Variants in NCR2 observed in about 807,000 individuals in gnomAD.
The protein encoded by NCR2 is NK cell activating receptor (NKp44).
A neutral mutation model predicts 30.7 loss-of-function variants in NCR2; 35 were observed. The observed-to-expected ratio is 1.14, with a 90% confidence interval of 0.87 to 1.51. The LOEUF (loss-of-function observed/expected upper bound fraction) is 1.51, where lower values mean the gene tolerates loss of function less well. Ranked by LOEUF, NCR2 falls within the 40% of genes most tolerant of loss-of-function variation. The probability of loss-of-function intolerance (pLI) is 0.00; values close to 1 mark genes in which losing one functional copy is unlikely to be tolerated. For missense variants in NCR2, 316 were observed against 328.9 expected, an observed-to-expected ratio of 0.96 and a Z score of 0.30; for synonymous variants, 146 against 134.8, an observed-to-expected ratio of 1.08 and a Z score of -0.58.
At position 41,342,149 on chromosome 6, in the gene NCR2, G is replaced by A. The variant is rs540750443; in HGVS notation, c.644G>A (p.Trp215Ter). Residue 215 changes from tryptophan to a stop codon, truncating the protein, a stop_gained and splice_region_variant, in exon 4 of 5, where the codon TGG becomes TAG. Transcript: ENST00000373089. LOFTEE classifies it high-confidence loss of function. The part of the protein sequence containing the change: ...SLVLSALLVW[W>*]GDIWWKTMME... Reference sequence around the variant, plus strand: ...GTGCTGTCAGCCCTGCTCGTCTGGTGGTGAGTGTGGTGTGGGTTGAACTCG... The same window carrying A: ...GTGCTGTCAGCCCTGCTCGTCTGGTAGTGAGTGTGGTGTGGGTTGAACTCG... 6.2e-7 allele frequency: 1 copy of A among 1,612,484 alleles called. No individual in the cohort carries two copies. Among genetic ancestry groups the A allele is most frequent in the Non-Finnish European group, 8.5e-7 (1 of 1,179,992 alleles).
chr6:41,336,452 C>T (rs1273758288), intron 2 of NCR2, 24 bp downstream of exon 2: 1 of 1,588,510 alleles, frequency 6.3e-7, no homozygotes, highest in Admixed American at 1.7e-5. Context: ...CTAGGGTCCT[C>T]AGAGGGGTGC....
rs574149385 is a variant in NCR2, at chr6:41,336,223, C to T, written c.189C>T (p.Cys63=). ...GTAAGGAGGCTTCAGCACTTGTGTG[C>T]ATCAGGTTAGTCACCAGCTCCAAGC... The part of the protein sequence containing the change: ...GWCKEASALV[C]IRLVTSSKPR... The change falls in exon 2 of 5, where the codon TGC becomes TGT. Residue 63 remains cysteine (C), a synonymous_variant. Coordinates refer to ENST00000373089, the MANE Select transcript of NCR2 (RefSeq NM_004828.4). The T allele has an allele frequency of 2.5e-6, 4 of 1,614,152 alleles. No individual in the cohort carries two copies. The highest frequency in any genetic ancestry group is 1.3e-5 in the African/African-American group (1 of 75,050).
chr6:41,335,959 G>A (rs745835060), intron 1 of NCR2, 31 bp downstream of exon 1: 23 of 1,575,884 alleles, frequency 1.5e-5, no homozygotes, highest in Admixed American at 9.3e-5. Flanking sequence ...AGGGAGCAGA[G>A]GAGATGGGTG....
chr6:41,336,188 A>T lies in NCR2; in HGVS notation c.154A>T (p.Lys52Ter). The change falls in exon 2 of 5, where the codon AAA becomes TAA. Residue 52 changes from lysine to a stop codon, truncating the protein, a stop_gained. Transcript: ENST00000373089. LOFTEE classifies it high-confidence loss of function. ...GCCCACGGGCAGTCTCTACGAGAAG[A>T]AAGGCTGGTGTAAGGAGGCTTCAGC... ...YPPTGSLYEK[K>*]GWCKEASALV... is the part of the protein sequence containing the mutation. 6.2e-7 allele frequency: 1 copy of T among 1,614,172 alleles called. No individual in the cohort carries two copies. The highest frequency in any genetic ancestry group is 8.5e-7 in the Non-Finnish European group (1 of 1,180,042).
chr6:41,341,291 A>C (rs1294174259), intron 2 of NCR2, among the ~76,000 whole-genome samples: 1 of 152,090 alleles, frequency 6.6e-6, no homozygotes, highest in Non-Finnish European at 1.5e-5. Context: ...AGAGTCCCAG[A>C]GTCAAGAGGG....
intron 4 of NCR2, chr6:41,342,919 G>T: frequency 6.4e-7 from 1 of 1,550,500 alleles, no homozygotes; most frequent in Non-Finnish European, 8.7e-7. Flanking sequence ...CATCTCAAGG[G>T]TTTTAAGGAA....
In NCR2 at chr6:41,342,173, C is replaced by CG. The variant is rs758326631; in HGVS notation, c.644+28dup. 6.2e-6 allele frequency: 10 copies of CG among 1,609,548 alleles called. No individual in the cohort carries two copies. The African/African-American group carries it at 9.4e-5, about 15-fold the overall frequency. ...TGGTGAGTGTGGTGTGGGTTGAACTCGGGGAAAATGGAACAGGGAACAGCT... is the reference window on the plus strand; with the variant it reads ...TGGTGAGTGTGGTGTGGGTTGAACTCGGGGGAAAATGGAACAGGGAACAGCT... On this transcript the variant is annotated intron_variant, in intron 4 of 4. Transcript: ENST00000373089.
rs984130354 is a variant in NCR2, at chr6:41,335,841, G to T, written c.-36G>T. On this transcript the variant is annotated 5_prime_UTR_variant, in exon 1 of 5. Transcript: ENST00000373089. Reference sequence around the variant, plus strand: ...ATTCCCTCTCCCCAGTCTTCTCCAGGTGTCCCCTCCCATGAGCGCACAGGA... The same window carrying T: ...ATTCCCTCTCCCCAGTCTTCTCCAGTTGTCCCCTCCCATGAGCGCACAGGA... 13 of 1,551,772 alleles carry T rather than the reference G, an allele frequency of 8.4e-6. No individual in the cohort carries two copies. The highest frequency in any genetic ancestry group is 2.7e-5 in the African/African-American group (2 of 73,344).
chr6:41,343,174 C>T (rs987441948), intron 4 of NCR2: 17 of 699,338 alleles, frequency 2.4e-5, no homozygotes, highest in African/African-American at 5.4e-5. Context: ...AGGCCCTCTA[C>T]TTGCTCACCC....
intron 2 of NCR2, among the ~76,000 whole-genome samples, chr6:41,338,701 A>G (rs548225370): frequency 1.3e-5 from 2 of 152,340 alleles, no homozygotes; most frequent in African/African-American, 4.8e-5. Flanking sequence ...ATTTTTTCAA[A>G]TTGCCATGAA....
chr6:41,345,245 C>G (rs974284605), intron 4 of NCR2, among the ~76,000 whole-genome samples: 1 of 152,150 alleles, frequency 6.6e-6, no homozygotes, highest in African/African-American at 2.4e-5. Context: ...TTCCAGCACC[C>G]ACTTCAACCC....
chr6:41,344,796 C>G (rs116677682), intron 4 of NCR2, among the ~76,000 whole-genome samples: 1 of 152,236 alleles, frequency 6.6e-6, no homozygotes, highest in Non-Finnish European at 1.5e-5. Context: ...ACCTTTGCCG[C>G]TTCTCGGCCA....
At chr6:41,345,725 C>G (rs562398135) in intron 4 of NCR2, among the ~76,000 whole-genome samples, 10 of 152,282 alleles carry the variant, frequency 6.6e-5, no homozygotes, top group Admixed American at 3.9e-4. Flanking sequence ...AATCCCAACT[C>G]AGTAAGACCT....
chr6:41,337,228 T>C (rs144764689), intron 2 of NCR2, among the ~76,000 whole-genome samples: 140 of 152,214 alleles, frequency 9.2e-4, no homozygotes, highest in Middle Eastern at 3.4e-3. Flanking sequence ...AAAAGATATA[T>C]AAAGTACAAG....
chr6:41,343,509 T>C (rs1016325804), intron 4 of NCR2, among the ~76,000 whole-genome samples: 3 of 152,136 alleles, frequency 2.0e-5, no homozygotes, highest in Admixed American at 2.0e-4. Flanking sequence ...AGAAACACTT[T>C]AGACAAAATA....
Position 41,336,418 on chromosome 6 carries a change from G to C in NCR2, c.384G>C (p.Val128=). ...SVSKSVRFYL[V]VSPASASTQT... ...CTAAGTCCGTCAGATTCTATCTGGT[G>C]GTATCTCCAGGTGAGCTCTTTCCCT... The change falls in exon 2 of 5, where the codon GTG becomes GTC. Residue 128 remains valine (V), a synonymous_variant. Transcript: ENST00000373089. 6.2e-7 allele frequency: 1 copy of C among 1,612,662 alleles called. No homozygotes were observed. Among genetic ancestry groups the C allele is most frequent in the Non-Finnish European group, 8.5e-7 (1 of 1,179,036 alleles).
intron 2 of NCR2, among the ~76,000 whole-genome samples, chr6:41,337,907 T>A (rs1304659294): frequency 6.6e-6 from 1 of 152,204 alleles, no homozygotes; most frequent in Non-Finnish European, 1.5e-5. Context: ...TATCTTCTTC[T>A]GACAAAAAAA....
intron 4 of NCR2, among the ~76,000 whole-genome samples, chr6:41,349,523 C>A (rs1423127927): frequency 6.6e-6 from 1 of 152,166 alleles, no homozygotes; most frequent in African/African-American, 2.4e-5. Flanking sequence ...ACCTCCCATA[C>A]CCCAGGGAGG....
At chr6:41,342,988 GC>G in intron 4 of NCR2, 1 of 1,550,596 alleles carries the variant, frequency 6.4e-7, no homozygotes, top group Non-Finnish European at 8.7e-7. Flanking sequence ...CAGGCCCCAG[GC>G]CCATAGACAC....
Sources: allele counts gnomAD v4.1 joint callset (sites outside exome capture counted in the v4.1 genomes callset), GRCh38; gene constraint gnomAD v4.1.1; transcripts MANE v1.5; gene names NCBI Gene and HGNC (gene_info 2026-07-23, HGNC 2026-07-21).